Variants in WFDC9 observed in about 807,000 individuals in gnomAD.
The protein encoded by WFDC9 is WAP four-disulfide core domain 9.
A neutral mutation model predicts 9.5 loss-of-function variants in WFDC9; 9 were observed. The observed-to-expected ratio is 0.95, with a 90% confidence interval of 0.57 to 1.65. WFDC9 has a LOEUF of 1.65. WFDC9 is among the 40% of genes most tolerant of loss of function. The pLI is 0.00. For missense variants in WFDC9, 87 were observed against 106.7 expected, an observed-to-expected ratio of 0.82 and a Z score of 0.81; for synonymous variants, 33 against 32.3, an observed-to-expected ratio of 1.02 and a Z score of -0.07.
chr20:45,625,365 C>T (rs905693444), intron 1 of WFDC9, among the ~76,000 whole-genome samples: 2 of 152,182 alleles, frequency 1.3e-5, no homozygotes, highest in African/African-American at 4.8e-5. Context: ...CAGAGCCAAA[C>T]CACATCAAAT....
At chr20:45,630,806 T>C in intron 1 of WFDC9, 2 of 1,496,400 alleles carry the variant, frequency 1.3e-6, no homozygotes, top group Non-Finnish European at 1.8e-6. Context: ...TGGAGGAGGC[T>C]TCAGCTTGAG....
At chr20:45,621,141 T>G (rs1365654292) in intron 1 of WFDC9, among the ~76,000 whole-genome samples, 3 of 152,198 alleles carry the variant, frequency 2.0e-5, no homozygotes, top group Non-Finnish European at 4.4e-5. Flanking sequence ...TTCTGATCCC[T>G]TAGAGGATTT....
At chr20:45,622,686 A>G (rs992920229) in intron 1 of WFDC9, among the ~76,000 whole-genome samples, 2 of 152,240 alleles carry the variant, frequency 1.3e-5, no homozygotes, top group African/African-American at 4.8e-5. Flanking sequence ...GTTCTTCTAC[A>G]TAAACACAAC....
In WFDC9 at chr20:45,610,121, C is replaced by T. The variant is rs1460872062; in HGVS notation, c.61G>A (p.Val21Met). The T allele has an allele frequency of 6.2e-7, 1 of 1,614,106 alleles. No homozygotes were observed. Among genetic ancestry groups the T allele is most frequent in the East Asian group, 2.2e-5 (1 of 44,876 alleles). The stretch of plus-strand genomic sequence containing the variant: ...TCTTTGTTCCAGAAGCTTCCCAGCA[C>T]AGGCAGAAGCATCACAACTCCAGAG... ...FISGVVMLLP[V>M]LGSFWNKDPF... The change falls in exon 3 of 5, where the codon GTG becomes ATG. Residue 21 changes from valine (V) to methionine (M), a missense_variant. Transcript: ENST00000326000.
At position 45,610,235 on chromosome 20, in the gene WFDC9, C is replaced by T. The variant is rs372987146; in HGVS notation, c.-54G>A. ...TTCTGGCAGAAGGCAAGTCTTTTCC[C>T]AATACTGCTAGACGTAGAAAATGGA... is the stretch of plus-strand genomic sequence containing the variant. On this transcript the variant is annotated 5_prime_UTR_variant, in exon 3 of 5. It introduces an in-frame stop codon into an upstream open reading frame of the 5' UTR. Coordinates refer to ENST00000326000, the MANE Select transcript of WFDC9 (RefSeq NM_147198.4). The T allele has an allele frequency of 6.8e-5, 101 of 1,475,108 alleles. 1 individual carries two copies. The highest frequency in any genetic ancestry group is 6.4e-4 in the African/African-American group (46 of 72,226). The allele number at this position is 1,475,108 out of a possible 1,614,324, so 91.4% of individuals were successfully genotyped here.
intron 1 of WFDC9, among the ~76,000 whole-genome samples, chr20:45,624,312 T>C (rs1334200783): frequency 6.6e-6 from 1 of 152,230 alleles, no homozygotes; most frequent in Admixed American, 6.5e-5. Flanking sequence ...AGTGAGACTA[T>C]GTGTTGTTTA....
At chr20:45,630,655 T>C (rs1487794104) in intron 1 of WFDC9, among the ~76,000 whole-genome samples, 2 of 152,068 alleles carry the variant, frequency 1.3e-5, no homozygotes, top group Non-Finnish European at 2.9e-5. Flanking sequence ...CCAGGCATTG[T>C]GGTCTAATGG....
intron 1 of WFDC9, among the ~76,000 whole-genome samples, chr20:45,621,379 A>G (rs1600921633): frequency 6.6e-6 from 1 of 152,202 alleles, no homozygotes; most frequent in Non-Finnish European, 1.5e-5. Flanking sequence ...TTTTTAGACA[A>G]CACCAAACTT....
rs73908165 is a variant in WFDC9, at chr20:45,611,346, G to A, written c.-58-1107C>T. On this transcript the variant is annotated intron_variant, in intron 2 of 4. Coordinates refer to ENST00000326000, the MANE Select transcript of WFDC9 (RefSeq NM_147198.4). ...CTGTTCCATAACTGGAGCTTCTGAG[G>A]GAGGGAGGAATCCATAGTTCTGAAC... 8.2e-3 allele frequency among the ~76,000 whole-genome samples: 1,252 copies of A among 152,234 alleles called. 20 individuals carry two copies. Among genetic ancestry groups the A allele is most frequent in the African/African-American group, 0.029 (1,185 of 41,530 alleles).
intron 2 of WFDC9, among the ~76,000 whole-genome samples, chr20:45,612,467 A>G (rs771868630): frequency 2.1e-4 from 32 of 152,332 alleles, no homozygotes; most frequent in Non-Finnish European, 3.8e-4. Context: ...AAGGAAATGC[A>G]TAGATGGTAA....
intron 1 of WFDC9, among the ~76,000 whole-genome samples, chr20:45,622,012 G>A (rs1225874614): frequency 1.3e-5 from 2 of 151,902 alleles, no homozygotes; most frequent in Non-Finnish European, 2.9e-5. Flanking sequence ...TTGTATAGTG[G>A]TTCTAGATTT....
chr20:45,609,436 C>T (rs1176391389), intron 3 of WFDC9, among the ~76,000 whole-genome samples: 5 of 151,988 alleles, frequency 3.3e-5, no homozygotes, highest in African/African-American at 1.2e-4. Context: ...CCCCTGACCT[C>T]GTGATCCGCC....
chr20:45,628,200 C>G (rs1452591127), intron 1 of WFDC9, among the ~76,000 whole-genome samples: 1 of 152,156 alleles, frequency 6.6e-6, no homozygotes, highest in African/African-American at 2.4e-5. Flanking sequence ...TTATTTCTTG[C>G]TCAAATAATA....
At chr20:45,628,098 A>G (rs1467249688) in intron 1 of WFDC9, among the ~76,000 whole-genome samples, 3 of 152,214 alleles carry the variant, frequency 2.0e-5, no homozygotes, top group Admixed American at 1.3e-4. Flanking sequence ...CTTTCCCCTT[A>G]TAAATGTCAG....
intron 1 of WFDC9, among the ~76,000 whole-genome samples, chr20:45,630,713 T>C (rs1160885038): frequency 6.6e-6 from 1 of 151,832 alleles, no homozygotes; most frequent in African/African-American, 2.4e-5. Context: ...GACCAATCAC[T>C]AGGATTTGGT....
intron 1 of WFDC9, among the ~76,000 whole-genome samples, chr20:45,619,228 T>C (rs1982039649): frequency 6.6e-6 from 1 of 152,208 alleles, no homozygotes; most frequent in South Asian, 2.1e-4. Context: ...TTTTGCTCTG[T>C]GTGGCCCAGC....
Position 45,608,158 on chromosome 20 carries a change from G to T in WFDC9, c.240-18C>A. ...GGGGCTCTCTAGAAGAGAAAAGTTA[G>T]TCAAAAGTCAAGAATCCTGGGATAA... On this transcript the variant is annotated intron_variant, in intron 4 of 4. Transcript: ENST00000326000. 6.2e-7 allele frequency: 1 copy of T among 1,607,234 alleles called. No homozygotes were observed. Among genetic ancestry groups the T allele is most frequent in the Non-Finnish European group, 8.5e-7 (1 of 1,178,056 alleles).
At chr20:45,610,263 G>C (rs1412372860) in intron 2 of WFDC9, 24 bp from the exon 3 acceptor site, 1 of 1,236,002 alleles carries the variant, frequency 8.1e-7, no homozygotes, top group African/African-American at 1.5e-5. Context: ...AAAATGGATT[G>C]AGGAGAACAG....
intron 1 of WFDC9, among the ~76,000 whole-genome samples, chr20:45,625,076 G>T (rs1653976471): frequency 6.6e-6 from 1 of 152,190 alleles, no homozygotes. Flanking sequence ...AACAAAAGAG[G>T]TTTAATTTAC....
Sources: allele counts gnomAD v4.1 joint callset (sites outside exome capture counted in the v4.1 genomes callset), GRCh38; gene constraint gnomAD v4.1.1; transcripts MANE v1.5; gene names NCBI Gene and HGNC (gene_info 2026-07-23, HGNC 2026-07-21).